Variants in CSMD1 observed in about 807,000 individuals in gnomAD.
CSMD1 encodes CUB and sushi domain-containing protein 1.
CSMD1 carries 213 observed loss-of-function variants against 417.5 expected under a neutral mutation model. The ratio of observed to expected loss-of-function variants is 0.51; its 90% CI spans 0.46 to 0.57. The LOEUF is 0.57. CSMD1 is among the 20% of genes least tolerant of loss of function. The pLI, the probability that CSMD1 is intolerant of heterozygous loss-of-function variation, is 0.00. For missense variants in CSMD1, 6,923 were observed against 4,529.7 expected, an observed-to-expected ratio of 1.53 and a Z score of -15.17; for synonymous variants, 2,862 against 1,736.8, an observed-to-expected ratio of 1.65 and a Z score of -16.11.
At chr8:4,439,291 C>T (rs1176673816) in intron 2 of CSMD1, among the ~76,000 whole-genome samples, 2 of 152,144 alleles carry the variant, frequency 1.3e-5, no homozygotes, top group African/African-American at 4.8e-5. Context: ...TGACCTTTCA[C>T]TGCTGCCAAA....
At chr8:3,501,100 G>C (rs908320753) in intron 10 of CSMD1, among the ~76,000 whole-genome samples, 9 of 152,110 alleles carry the variant, frequency 5.9e-5, no homozygotes, top group Non-Finnish European at 1.0e-4. Flanking sequence ...ATACTATATA[G>C]TTTCAATTTA....
intron 1 of CSMD1, among the ~76,000 whole-genome samples, chr8:4,846,443 T>C (rs1401208538): frequency 6.6e-6 from 1 of 152,198 alleles, no homozygotes; most frequent in East Asian, 1.9e-4. Flanking sequence ...CCTTGAGGTT[T>C]TGGCAGCACG....
intron 37 of CSMD1, among the ~76,000 whole-genome samples, chr8:3,171,978 T>C (rs1177601857): frequency 6.6e-6 from 1 of 152,206 alleles, no homozygotes; most frequent in African/African-American, 2.4e-5. Context: ...TTCCAAAGGC[T>C]AGACTTACCT....
intron 3 of CSMD1, among the ~76,000 whole-genome samples, chr8:4,385,440 G>C (rs545099625): frequency 6.6e-6 from 1 of 152,120 alleles, no homozygotes; most frequent in Non-Finnish European, 1.5e-5. Context: ...CTTAGTACAT[G>C]TTTCTTTTCT....
At chr8:4,057,978 G>A (rs1361033984) in intron 3 of CSMD1, among the ~76,000 whole-genome samples, 1 of 151,120 alleles carries the variant, frequency 6.6e-6, no homozygotes, top group Admixed American at 6.6e-5. Flanking sequence ...GATGCCTCCA[G>A]CTTTGTTCTT....
At chr8:4,367,415 T>C (rs1162035145) in intron 3 of CSMD1, among the ~76,000 whole-genome samples, 1 of 152,192 alleles carries the variant, frequency 6.6e-6, no homozygotes, top group Non-Finnish European at 1.5e-5. Flanking sequence ...TTCATTGGTC[T>C]ATGTGTCTAT....
At chr8:3,522,902 ATATT>A (rs1176038689) in intron 10 of CSMD1, among the ~76,000 whole-genome samples, 12 of 149,912 alleles carry the variant, frequency 8.0e-5, no homozygotes, top group Non-Finnish European at 1.6e-4. Flanking sequence ...ATATATTTAT[ATATT>A]ATCATGTATA....
Position 3,326,392 on chromosome 8 carries a change from A to G in CSMD1, c.3631+16902T>C, listed in dbSNP as rs578060304. Among the ~76,000 whole-genome samples the G allele has an allele frequency of 2.0e-5, 3 of 152,284 alleles. No individual in the cohort carries two copies. The East Asian group carries it at 5.8e-4, about 29-fold the overall frequency. On this transcript the variant is annotated intron_variant, in intron 23 of 69. Transcript: ENST00000635120. ...CCCTTTGAGAAATGGATGAAGATTT[A>G]TGTCCTGTTTTTAGGGTAGCCTCAC...
At chr8:4,319,109 G>A (rs537363669) in intron 3 of CSMD1, among the ~76,000 whole-genome samples, 1 of 152,088 alleles carries the variant, frequency 6.6e-6, no homozygotes, top group African/African-American at 2.4e-5. Flanking sequence ...TAGTAACAAA[G>A]TAAGGAGGAT....
At chr8:4,360,065 C>A (rs531096181) in intron 3 of CSMD1, among the ~76,000 whole-genome samples, 8 of 152,300 alleles carry the variant, frequency 5.3e-5, no homozygotes, top group African/African-American at 1.9e-4. Context: ...TCGTCTCTGA[C>A]CGCCTGGGAT....
At chr8:4,663,718 C>G (rs947075506) in intron 1 of CSMD1, among the ~76,000 whole-genome samples, 1 of 152,206 alleles carries the variant, frequency 6.6e-6, no homozygotes, top group East Asian at 1.9e-4. Flanking sequence ...AACTAAATCC[C>G]TCTTTTAAAT....
At chr8:4,326,141 C>G (rs114380401) in intron 3 of CSMD1, among the ~76,000 whole-genome samples, 126 of 152,238 alleles carry the variant, frequency 8.3e-4, no homozygotes, top group African/African-American at 2.9e-3. Context: ...CTGAAATATT[C>G]AGTTTAGAGT....
chr8:4,428,495 T>G (rs1418325288), intron 2 of CSMD1, among the ~76,000 whole-genome samples: 6 of 152,204 alleles, frequency 3.9e-5, no homozygotes, highest in African/African-American at 1.2e-4. Context: ...CTGGCATATG[T>G]GTATCTCTCT....
intron 2 of CSMD1, among the ~76,000 whole-genome samples, chr8:4,451,621 G>A (rs1403247338): frequency 6.6e-6 from 1 of 152,056 alleles, no homozygotes; most frequent in Non-Finnish European, 1.5e-5. Flanking sequence ...TATTCAAGAA[G>A]GAATCTACTA....
At chr8:3,475,256 A>C (rs1817339854) in intron 11 of CSMD1, among the ~76,000 whole-genome samples, 1 of 151,512 alleles carries the variant, frequency 6.6e-6, no homozygotes, top group African/African-American at 2.4e-5. Flanking sequence ...AACTGCTTCA[A>C]CCTCCACCTT....
chr8:3,787,269 G>C lies in CSMD1; in HGVS notation c.819-33227C>G, dbSNP rs377301417. ...GAATTTGAAAAAACTTGTGAGTTGT[G>C]AAAAACCATAATCAATTTTAGAAAA... On this transcript the variant is annotated intron_variant, in intron 5 of 69. Coordinates refer to ENST00000635120, the MANE Select transcript of CSMD1 (RefSeq NM_033225.6). 1.1e-3 allele frequency among the ~76,000 whole-genome samples: 174 copies of C among 152,256 alleles called. 1 individual carries two copies. The South Asian group carries it at 0.012, about 11-fold the overall frequency.
chr8:4,381,607 C>T (rs1384236603), intron 3 of CSMD1, among the ~76,000 whole-genome samples: 1 of 152,134 alleles, frequency 6.6e-6, no homozygotes, highest in Admixed American at 6.5e-5. Context: ...TGGTTCCCGC[C>T]CTGAACACCC....
chr8:4,029,779 C>T lies in CSMD1; in HGVS notation c.610+2126G>A, dbSNP rs182851408. ...CCACCTTCCGAACTCTTATCTGAGA[C>T]AAAACAAGTATCTTCCTCTTATGAA... On this transcript the variant is annotated intron_variant, in intron 4 of 69. Coordinates refer to ENST00000635120, the MANE Select transcript of CSMD1 (RefSeq NM_033225.6). 1.3e-3 allele frequency among the ~76,000 whole-genome samples: 202 copies of T among 152,244 alleles called. 1 individual carries two copies. The highest frequency in any genetic ancestry group is 4.3e-3 in the African/African-American group (178 of 41,538).
At chr8:3,960,533 G>A (rs2627486) in intron 5 of CSMD1, among the ~76,000 whole-genome samples, 69,530 of 151,910 alleles carry the variant, frequency 0.46, 16,836 homozygotes, top group East Asian at 0.79. Flanking sequence ...GCATTTAAGT[G>A]TGCCAATTAG....
Sources: allele counts gnomAD v4.1 joint callset (sites outside exome capture counted in the v4.1 genomes callset), GRCh38; gene constraint gnomAD v4.1.1; transcripts MANE v1.5; gene names NCBI Gene and HGNC (gene_info 2026-07-23, HGNC 2026-07-21).